Variants in TPD52 observed in about 807,000 individuals in gnomAD.
TPD52 encodes prostate and colon associated protein.
TPD52 carries 17 observed loss-of-function variants against 31.3 expected under a neutral mutation model. The observed-to-expected ratio is 0.54, with a 90% CI of 0.37 to 0.82. The LOEUF is 0.82. TPD52 is among the 40% of genes least tolerant of loss of function. The pLI, the probability that TPD52 is intolerant of heterozygous loss-of-function variation, is 0.00. For synonymous variants in TPD52, 83 were observed against 89.6 expected (o/e 0.93, Z 0.42); for missense variants, 212 against 240.1 (o/e 0.88, Z 0.77).
chr8:80,084,278 A>C (rs950144549), intron 1 of TPD52, among the ~76,000 whole-genome samples: 1 of 152,208 alleles, frequency 6.6e-6, no homozygotes, highest in Admixed American at 6.5e-5. Context: ...GGCCCCAGGC[A>C]TGGGCCTGTG....
intron 1 of TPD52, among the ~76,000 whole-genome samples, chr8:80,126,479 A>ATTTTTT (rs752947491): frequency 1.6e-5 from 2 of 126,456 alleles, no homozygotes; most frequent in East Asian, 2.3e-4. Flanking sequence ...AAAGTTTATA[A>ATTTTTT]TTTTTTTTTT....
chr8:80,133,333 A>G (rs995024984), intron 1 of TPD52, among the ~76,000 whole-genome samples: 1 of 152,114 alleles, frequency 6.6e-6, no homozygotes, highest in Non-Finnish European at 1.5e-5. Flanking sequence ...ACCCTCTGAG[A>G]GGTTCCAGGA....
chr8:80,085,929 C>T (rs1251515099), intron 1 of TPD52, among the ~76,000 whole-genome samples: 2 of 152,070 alleles, frequency 1.3e-5, no homozygotes, highest in African/African-American at 4.8e-5. Flanking sequence ...AAGCCCCACC[C>T]TGACTGAAGG....
Position 80,061,558 on chromosome 8 carries a change from G to A in TPD52, c.135+2920C>T, listed in dbSNP as rs964342146. ...ATTAACCAGGCAGATGGTGGCAAGC[G>A]CCTGTAGTCCTAGCTACTCAGGAGG... On this transcript the variant is annotated intron_variant, in intron 2 of 7. Coordinates refer to ENST00000518937, the MANE Select transcript of TPD52 (RefSeq NM_001025253.3). 5.9e-5 allele frequency among the ~76,000 whole-genome samples: 9 copies of A among 151,632 alleles called. No individual in the cohort carries two copies. In the East Asian group the frequency reaches 9.8e-4, roughly 16 times the overall value.
chr8:80,145,148 T>A (rs932301048), intron 1 of TPD52, among the ~76,000 whole-genome samples: 1 of 152,134 alleles, frequency 6.6e-6, no homozygotes, highest in East Asian at 1.9e-4. Flanking sequence ...TATTTTCACA[T>A]CCCAAAGCAG....
At chr8:80,155,963 G>T (rs1331881215) in intron 1 of TPD52, among the ~76,000 whole-genome samples, 1 of 152,014 alleles carries the variant, frequency 6.6e-6, no homozygotes. Context: ...CATTTGTTTG[G>T]GGGGTACATC....
intron 1 of TPD52, among the ~76,000 whole-genome samples, chr8:80,083,293 A>G (rs1416553850): frequency 6.6e-6 from 1 of 152,204 alleles, no homozygotes; most frequent in Non-Finnish European, 1.5e-5. Context: ...TAAAGAGGCT[A>G]AAAGAGAGAG....
At chr8:80,075,369 C>T (rs1259706904) in intron 1 of TPD52, among the ~76,000 whole-genome samples, 3 of 152,172 alleles carry the variant, frequency 2.0e-5, no homozygotes, top group Non-Finnish European at 4.4e-5. Flanking sequence ...GGAGCCACAT[C>T]GGGTGCAAAG....
At chr8:80,119,300 G>T (rs1177741843) in intron 1 of TPD52, among the ~76,000 whole-genome samples, 1 of 152,180 alleles carries the variant, frequency 6.6e-6, no homozygotes, top group Admixed American at 6.6e-5. Flanking sequence ...CTGCTAATGG[G>T]TAAGGAGTAT....
intron 1 of TPD52, among the ~76,000 whole-genome samples, chr8:80,116,217 G>A (rs1347480964): frequency 6.6e-6 from 1 of 152,092 alleles, no homozygotes; most frequent in African/African-American, 2.4e-5. Flanking sequence ...GTTAGTTATG[G>A]AACACTATGT....
intron 1 of TPD52, 196 bp from the exon 2 acceptor site, chr8:80,064,789 G>T (rs1812939804): frequency 2.9e-6 from 2 of 692,018 alleles, no homozygotes; most frequent in Non-Finnish European, 5.3e-6. Flanking sequence ...CTACCAAGTA[G>T]ACTCTGCCAA....
intron 2 of TPD52, among the ~76,000 whole-genome samples, chr8:80,055,377 A>G (rs1047142353): frequency 6.6e-6 from 1 of 152,214 alleles, no homozygotes; most frequent in African/African-American, 2.4e-5. Context: ...CATAAAGAGC[A>G]TGATTAAGAA....
At position 80,099,690 on chromosome 8, in the gene TPD52, T is replaced by C. The variant is rs1326880854; in HGVS notation, c.20-35097A>G. Among the ~76,000 whole-genome samples, 5 of 152,128 alleles carry C rather than the reference T, an allele frequency of 3.3e-5. No individual in the cohort carries two copies. In the East Asian group the frequency reaches 9.6e-4, roughly 29 times the overall value. On this transcript the variant is annotated intron_variant, in intron 1 of 7. Coordinates refer to ENST00000518937, the MANE Select transcript of TPD52 (RefSeq NM_001025253.3). The stretch of plus-strand genomic sequence containing the variant: ...CACGCCCAGCTAATTTTTGTATTTT[T>C]AGTAGAGACGGGGTTTTACCATGTT...
chr8:80,083,641 T>C (rs113473340), intron 1 of TPD52, among the ~76,000 whole-genome samples: 2,480 of 152,256 alleles, frequency 0.016, 29 homozygotes, highest in Middle Eastern at 0.037. Context: ...TCCTGAAGCC[T>C]CCCCAGCCAT....
intron 1 of TPD52, among the ~76,000 whole-genome samples, chr8:80,110,427 A>C (rs890735729): frequency 2.6e-5 from 4 of 152,198 alleles, no homozygotes; most frequent in Non-Finnish European, 4.4e-5. Context: ...TTCCACACTA[A>C]GACAAAGACA....
intron 1 of TPD52, among the ~76,000 whole-genome samples, chr8:80,103,431 G>A (rs1806887738): frequency 6.6e-6 from 1 of 152,238 alleles, no homozygotes; most frequent in Non-Finnish European, 1.5e-5. Context: ...TGTGGGCAGA[G>A]TGCTAGCCCC....
chr8:80,044,257 G>C, intron 5 of TPD52, 49 bp from the exon 6 acceptor site: 1 of 1,418,876 alleles, frequency 7.0e-7, no homozygotes, highest in Non-Finnish European at 9.5e-7. Flanking sequence ...GTATAGTGGT[G>C]CTTCAACATT....
In TPD52 at chr8:80,171,472, G is replaced by C; in HGVS notation, c.-29C>G. The stretch of plus-strand genomic sequence containing the variant: ...TCCAGCCCGCCGCCTCGTGTCCTCT[G>C]CAGCACCCCCGCCTGCAGCCCGTCC... On this transcript the variant is annotated 5_prime_UTR_variant, in exon 1 of 8. Coordinates refer to ENST00000518937, the MANE Select transcript of TPD52 (RefSeq NM_001025253.3). The C allele has an allele frequency of 2.6e-6, 4 of 1,568,116 alleles. No individual in the cohort carries two copies. In the South Asian group the frequency reaches 4.5e-5, roughly 18 times the overall value.
In TPD52 at chr8:80,042,654, A is replaced by G; in HGVS notation, c.470T>C (p.Phe157Ser). 6.2e-7 allele frequency: 1 copy of G among 1,612,084 alleles called. No homozygotes were observed. The highest frequency in any genetic ancestry group is 8.5e-7 in the Non-Finnish European group (1 of 1,179,134). Residue 157 changes from phenylalanine (F) to serine (S), a missense_variant, in exon 7 of 8, where the codon TTT becomes TCT. By Grantham distance (155) the Phe-to-Ser change is radical (BLOSUM62 -2). Coordinates refer to ENST00000518937, the MANE Select transcript of TPD52 (RefSeq NM_001025253.3). Reference protein sequence around the residue: ...SMPAMRNSPTFKSFEEKVENL... With the variant: ...SMPAMRNSPTSKSFEEKVENL... ...TTCGACCTTTTCTTCAAATGATTTA[A>G]AAGTTGGGGAGTTTCTATGGAGAGA...
Sources: allele counts gnomAD v4.1 joint callset (sites outside exome capture counted in the v4.1 genomes callset), GRCh38; gene constraint gnomAD v4.1.1; transcripts MANE v1.5; gene names NCBI Gene and HGNC (gene_info 2026-07-23, HGNC 2026-07-21).